Variants in SPAG16 observed in about 807,000 individuals in gnomAD.
The protein encoded by SPAG16 is sperm associated antigen 16.
In SPAG16, 86 loss-of-function variants were observed where a neutral mutation model predicts 80.4. The ratio of observed to expected loss-of-function variants is 1.07; its 90% CI spans 0.90 to 1.28. SPAG16 has a LOEUF of 1.28. Among genes scored for constraint, SPAG16 ranks in the 50% most tolerant of loss-of-function variants. SPAG16 has a pLI of 0.00. For missense variants in SPAG16, 870 were observed against 765.3 expected, an observed-to-expected ratio of 1.14 and a Z score of -1.61; for synonymous variants, 294 against 265.9, an observed-to-expected ratio of 1.11 and a Z score of -1.03.
chr2:213,640,673 T>A lies in SPAG16; in HGVS notation c.1070+150583T>A, dbSNP rs558727565. ...TAGCAGGAGAGCGAATTTGAGGCTG[T>A]GAGAGTCCTTGGTTGTAGTTGTTTA... is the stretch of plus-strand genomic sequence containing the variant. On this transcript the variant is annotated intron_variant, in intron 10 of 15. Transcript: ENST00000331683. Among the ~76,000 whole-genome samples the A allele has an allele frequency of 1.3e-3, 193 of 152,352 alleles. 1 individual carries two copies. The highest frequency in any genetic ancestry group is 5.7e-3 in the Admixed American group (87 of 15,306).
rs1191986731 is a variant in SPAG16, at chr2:213,550,661, GTTA to G, written c.1070+60576_1070+60578del. Among the ~76,000 whole-genome samples the G allele has an allele frequency of 2.6e-5, 4 of 151,890 alleles. No individual in the cohort carries two copies. The East Asian group carries it at 7.7e-4, about 29-fold the overall frequency. On this transcript the variant is annotated intron_variant, in intron 10 of 15. Coordinates refer to ENST00000331683, the MANE Select transcript of SPAG16 (RefSeq NM_024532.5). ...CAAAATTCCTTTAAACTTATATGTA[GTTA>G]TTATGCATTATATTCACTGTTACAA...
intron 13 of SPAG16, among the ~76,000 whole-genome samples, chr2:214,032,940 CAGAA>C (rs2048492853): frequency 6.6e-6 from 1 of 152,032 alleles, no homozygotes. Context: ...TACAAAGAAT[CAGAA>C]AGACACGACT....
intron 15 of SPAG16, among the ~76,000 whole-genome samples, chr2:214,227,991 C>G (rs963395560): frequency 6.6e-6 from 1 of 151,766 alleles, no homozygotes; most frequent in Admixed American, 6.6e-5. Context: ...ACAGTGTTTT[C>G]TCTATTATGC....
chr2:214,211,467 C>T (rs1002628259), intron 15 of SPAG16, among the ~76,000 whole-genome samples: 2 of 152,142 alleles, frequency 1.3e-5, no homozygotes, highest in Non-Finnish European at 2.9e-5. Flanking sequence ...GTGAGTGATC[C>T]TACAGTCATG....
At chr2:213,535,144 A>C (rs891834461) in intron 10 of SPAG16, among the ~76,000 whole-genome samples, 6 of 152,134 alleles carry the variant, frequency 3.9e-5, no homozygotes, top group Non-Finnish European at 8.8e-5. Flanking sequence ...AAAATGTTTA[A>C]ATATCCAGAA....
At chr2:213,976,473 T>C (rs1228367719) in intron 12 of SPAG16, among the ~76,000 whole-genome samples, 1 of 151,962 alleles carries the variant, frequency 6.6e-6, no homozygotes, top group Non-Finnish European at 1.5e-5. Flanking sequence ...TATTAACTTA[T>C]GTAGCAAAAA....
chr2:213,382,073 A>T (rs941014930), intron 9 of SPAG16, among the ~76,000 whole-genome samples: 1 of 151,868 alleles, frequency 6.6e-6, no homozygotes, highest in African/African-American at 2.4e-5. Flanking sequence ...CCATTCTCTG[A>T]TAGCTGGTCA....
chr2:213,323,923 T>G (rs543876116), intron 5 of SPAG16, among the ~76,000 whole-genome samples: 1 of 152,210 alleles, frequency 6.6e-6, no homozygotes, highest in East Asian at 1.9e-4. Flanking sequence ...GTATTTAATA[T>G]GGTAAAATTC....
At position 213,626,094 on chromosome 2, in the gene SPAG16, G is replaced by C. The variant is rs958220010; in HGVS notation, c.1070+136004G>C. On this transcript the variant is annotated intron_variant, in intron 10 of 15. Transcript: ENST00000331683. ...AAGAGGTCAAATTTCATATTTTGTT[G>C]TTATCATTGTTCATATGGAACATTT... Among the ~76,000 whole-genome samples the C allele has an allele frequency of 2.0e-5, 3 of 152,028 alleles. No individual in the cohort carries two copies. The East Asian group carries it at 5.8e-4, about 29-fold the overall frequency.
intron 14 of SPAG16, among the ~76,000 whole-genome samples, chr2:214,120,012 GC>G (rs1559816225): frequency 6.6e-6 from 1 of 151,754 alleles, no homozygotes; most frequent in African/African-American, 2.4e-5. Context: ...ATGTAGATTT[GC>G]TTCTTTTTTG....
chr2:214,353,753 T>C (rs73089203), intron 15 of SPAG16, among the ~76,000 whole-genome samples: 3,771 of 152,238 alleles, frequency 0.025, 151 homozygotes, highest in African/African-American at 0.086. Flanking sequence ...AAAATCACCA[T>C]GTTATTTATA....
chr2:213,513,768 A>C (rs1396117107), intron 10 of SPAG16, among the ~76,000 whole-genome samples: 1 of 152,128 alleles, frequency 6.6e-6, no homozygotes, highest in East Asian at 1.9e-4. Context: ...CATATTTATG[A>C]GGTGGCTGCT....
At chr2:214,099,378 A>G (rs1283479985) in intron 13 of SPAG16, among the ~76,000 whole-genome samples, 5 of 152,136 alleles carry the variant, frequency 3.3e-5, no homozygotes, top group Non-Finnish European at 7.4e-5. Flanking sequence ...GATTTAAAAT[A>G]TTACTAATTT....
chr2:214,248,278 A>C (rs1689993049), intron 15 of SPAG16, among the ~76,000 whole-genome samples: 1 of 144,250 alleles, frequency 6.9e-6, no homozygotes. Flanking sequence ...TGTGCTGGGT[A>C]CTATTCTTAT....
At chr2:213,495,780 C>T (rs181913478) in intron 10 of SPAG16, among the ~76,000 whole-genome samples, 155 of 152,200 alleles carry the variant, frequency 1.0e-3, no homozygotes, top group Middle Eastern at 6.8e-3. Flanking sequence ...ACATGTGGAG[C>T]ACTAGGAAGA....
Position 214,013,936 on chromosome 2 carries a change from T to C in SPAG16, c.1401-15T>C, listed in dbSNP as rs757890553. On this transcript the variant is annotated splice_polypyrimidine_tract_variant and intron_variant, in intron 12 of 15. Transcript: ENST00000331683. ...AGATACTAACTCCTAAAATTCTTAATTTCTCTCTTTATAGTGAAAGATGCA... is the reference window on the plus strand; with the variant it reads ...AGATACTAACTCCTAAAATTCTTAACTTCTCTCTTTATAGTGAAAGATGCA... The C allele has an allele frequency of 1.1e-5, 17 of 1,611,292 alleles. No homozygotes were observed. In the African/African-American group the frequency reaches 1.2e-4, roughly 11 times the overall value.
intron 7 of SPAG16, among the ~76,000 whole-genome samples, chr2:213,359,783 A>C (rs1382387904): frequency 6.6e-6 from 1 of 152,074 alleles, no homozygotes; most frequent in African/African-American, 2.4e-5. Flanking sequence ...GGCTGCACCC[A>C]CTGTCCAACC....
chr2:213,398,149 A>G (rs1575480165), intron 9 of SPAG16, among the ~76,000 whole-genome samples: 1 of 149,050 alleles, frequency 6.7e-6, no homozygotes, highest in South Asian at 2.1e-4. Context: ...TTTTCTTACC[A>G]CTAGCACTTT....
chr2:213,434,633 T>G lies in SPAG16; in HGVS notation c.943-55330T>G, dbSNP rs187431924. On this transcript the variant is annotated intron_variant, in intron 9 of 15. Coordinates refer to ENST00000331683, the MANE Select transcript of SPAG16 (RefSeq NM_024532.5). ...CAAACAACAATCAAAAGAAAACCAT[T>G]AAAAAGTAGGCAAATAAATAGATAT... is the stretch of plus-strand genomic sequence containing the variant. 3.2e-3 allele frequency among the ~76,000 whole-genome samples: 486 copies of G among 152,012 alleles called. 2 individuals carry two copies. The highest frequency in any genetic ancestry group is 0.011 in the African/African-American group (461 of 41,500).
Sources: gnomAD v4.1 joint callset for allele counts (sites outside exome capture counted in the v4.1 genomes callset) on GRCh38, gnomAD v4.1.1 for gene constraint, MANE v1.5 for transcripts, NCBI Gene and HGNC (gene_info 2026-07-23, HGNC 2026-07-21) for gene names.